Variants in DIAPH2 observed in about 807,000 individuals in gnomAD.
The protein encoded by DIAPH2 is diaphanous related formin 2, also known as protein diaphanous homolog 2.
Under a neutral mutation model 92.7 loss-of-function variants are expected in DIAPH2, and 35 were observed. The observed-to-expected ratio is 0.38, with a 90% CI of 0.29 to 0.50. The LOEUF is 0.50. DIAPH2 is among the 20% of genes least tolerant of loss of function. DIAPH2 has a pLI of 0.94. For synonymous variants in DIAPH2, 301 were observed against 280.4 expected, an observed-to-expected ratio of 1.07 and a Z score of -0.73; for missense variants, 701 against 819.5, an observed-to-expected ratio of 0.86 and a Z score of 1.77.
chrX:96,705,947 A>G (rs961862213), intron 1 of DIAPH2, among the ~76,000 whole-genome samples: 2 of 112,451 alleles, frequency 1.8e-5, no homozygotes, highest in African/African-American at 6.5e-5. Flanking sequence ...ACTTGTGCAC[A>G]GTTTGCAAAA....
At chrX:97,592,948 C>G (rs1193028429) in intron 26 of DIAPH2, among the ~76,000 whole-genome samples, 1 of 112,089 alleles carries the variant, frequency 8.9e-6, no homozygotes, top group African/African-American at 3.2e-5. Flanking sequence ...ATGAAGGATA[C>G]AGATTACACA....
chrX:97,495,824 G>A (rs968924351), intron 26 of DIAPH2, among the ~76,000 whole-genome samples: 1 of 111,649 alleles, frequency 9.0e-6, no homozygotes, highest in African/African-American at 3.3e-5. Context: ...TTACTGTTTT[G>A]TTTCATTTTA....
intron 4 of DIAPH2, among the ~76,000 whole-genome samples, chrX:96,779,282 A>G (rs973501768): frequency 1.8e-5 from 2 of 112,178 alleles, no homozygotes; most frequent in Non-Finnish European, 3.8e-5. Flanking sequence ...TAGAAACTCT[A>G]TAAAATCCAT....
chrX:96,795,022 G>A (rs1313350527), intron 4 of DIAPH2, among the ~76,000 whole-genome samples: 1 of 111,962 alleles, frequency 8.9e-6, no homozygotes, highest in Non-Finnish European at 1.9e-5. Flanking sequence ...AGCCCATTCA[G>A]ATAATCTAGG....
chrX:97,362,519 A>G (rs1285512389), intron 24 of DIAPH2, among the ~76,000 whole-genome samples: 1 of 112,523 alleles, frequency 8.9e-6, no homozygotes, highest in Non-Finnish European at 1.9e-5. Flanking sequence ...GTCTTTCGCT[A>G]GAATATACTT....
intron 17 of DIAPH2, among the ~76,000 whole-genome samples, chrX:97,031,725 CAT>C (rs998960346): frequency 5.4e-5 from 6 of 111,427 alleles, no homozygotes; most frequent in African/African-American, 1.3e-4. Context: ...ATTATCATAA[CAT>C]GTGTAAATGC....
chrX:97,589,993 T>G (rs2071506772), intron 26 of DIAPH2, among the ~76,000 whole-genome samples: 2 of 112,400 alleles, frequency 1.8e-5, no homozygotes, highest in Non-Finnish European at 3.8e-5. Flanking sequence ...GCTGTTAAAG[T>G]GTGTGTGATA....
chrX:97,465,535 T>C (rs1434358857), intron 26 of DIAPH2, among the ~76,000 whole-genome samples: 1 of 111,838 alleles, frequency 8.9e-6, no homozygotes, highest in Non-Finnish European at 1.9e-5. Context: ...CGGGAGGATG[T>C]ACATAGGTGA....
intron 12 of DIAPH2, among the ~76,000 whole-genome samples, chrX:96,940,884 G>A (rs1313310733): frequency 1.8e-5 from 2 of 110,733 alleles, no homozygotes; most frequent in East Asian, 2.8e-4. Context: ...TCCTCATATG[G>A]CATGTTTTTC....
intron 22 of DIAPH2, among the ~76,000 whole-genome samples, chrX:97,239,836 CTCTCTCTCTCTCTCTCTCTCTCTT>C (rs1286383435): frequency 2.2e-5 from 2 of 91,143 alleles, no homozygotes; most frequent in East Asian, 6.1e-4. Context: ...TAGTAAAAAT[CTCTCTCTCTCTCTCTCTCTCTCTT>C]TCTCTCTCTC....
chrX:97,492,762 G>C (rs975428637), intron 26 of DIAPH2, among the ~76,000 whole-genome samples: 4 of 111,687 alleles, frequency 3.6e-5, no homozygotes, highest in African/African-American at 1.3e-4. Context: ...GAAATCCACT[G>C]ATAGTCTTAT....
chrX:97,238,333 T>C (rs958465490), intron 22 of DIAPH2, among the ~76,000 whole-genome samples: 3 of 112,018 alleles, frequency 2.7e-5, no homozygotes, highest in Non-Finnish European at 5.6e-5. Context: ...TAGCGAAGTT[T>C]TAAGAGTTAA....
intron 23 of DIAPH2, among the ~76,000 whole-genome samples, chrX:97,306,567 T>C (rs2068748676): frequency 8.9e-6 from 1 of 111,846 alleles, no homozygotes; most frequent in Non-Finnish European, 1.9e-5. Flanking sequence ...AATTCAGCAT[T>C]ACCAATACTG....
At chrX:97,404,978 T>G (rs188195132) in intron 25 of DIAPH2, among the ~76,000 whole-genome samples, 3 of 112,403 alleles carry the variant, frequency 2.7e-5, no homozygotes, top group Non-Finnish European at 3.8e-5. Context: ...TAAATTTGAC[T>G]TTTTTGCAAA....
chrX:97,117,408 A>T (rs2067024067), intron 21 of DIAPH2, among the ~76,000 whole-genome samples: 1 of 111,828 alleles, frequency 8.9e-6, no homozygotes, highest in African/African-American at 3.2e-5. Context: ...ATTATGAAAG[A>T]TTACTTCATT....
At chrX:97,483,361 A>G (rs969614443) in intron 26 of DIAPH2, among the ~76,000 whole-genome samples, 6 of 109,148 alleles carry the variant, frequency 5.5e-5, no homozygotes, top group African/African-American at 1.6e-4. Context: ...GCTGATATGA[A>G]TAAGTTAGGA....
chrX:96,752,018 T>G (rs888307124), intron 3 of DIAPH2, among the ~76,000 whole-genome samples: 1 of 111,901 alleles, frequency 8.9e-6, no homozygotes, highest in Non-Finnish European at 1.9e-5. Flanking sequence ...ATATATCAAA[T>G]GTTAAACATG....
chrX:97,007,721 A>G (rs772313766), intron 17 of DIAPH2, among the ~76,000 whole-genome samples: 23 of 89,691 alleles, frequency 2.6e-4, no homozygotes, highest in Admixed American at 7.0e-4. Flanking sequence ...AAGTTTTCTG[A>G]TATTATCTAT....
chrX:97,075,720 C>T (rs113481081), intron 19 of DIAPH2, among the ~76,000 whole-genome samples: 1 of 111,855 alleles, frequency 8.9e-6, no homozygotes, highest in Non-Finnish European at 1.9e-5. Context: ...TGTTTGGGTA[C>T]ATAACATGTA....
Sources: gnomAD v4.1 joint callset for allele counts (sites outside exome capture counted in the v4.1 genomes callset) on GRCh38, gnomAD v4.1.1 for gene constraint, MANE v1.5 for transcripts, NCBI Gene and HGNC (gene_info 2026-07-23, HGNC 2026-07-21) for gene names.